Variants in JADE1 observed in about 807,000 individuals in gnomAD.
The protein encoded by JADE1 is protein Jade-1.
JADE1 carries 14 observed loss-of-function variants against 81.8 expected under a neutral mutation model. The ratio of observed to expected loss-of-function variants is 0.17; its 90% CI spans 0.11 to 0.27. The LOEUF (loss-of-function observed/expected upper bound fraction) is 0.27. Among genes scored for constraint, JADE1 ranks in the 10% least tolerant of loss-of-function variants. The pLI is 1.00. For missense variants in JADE1, 690 were observed against 1,047.9 expected, an observed-to-expected ratio of 0.66 and a Z score of 4.71; for synonymous variants, 353 against 391.9, an observed-to-expected ratio of 0.90 and a Z score of 1.17.
At chr4:128,834,177 A>G (rs2125832097) in intron 2 of JADE1, among the ~76,000 whole-genome samples, 1 of 152,304 alleles carries the variant, frequency 6.6e-6, no homozygotes, top group East Asian at 1.9e-4. Context: ...AAAGTACCAC[A>G]GCCCCCGGTA....
At chr4:128,864,170 C>T in intron 9 of JADE1, 1 of 954,022 alleles carries the variant, frequency 1.0e-6, no homozygotes. Flanking sequence ...TTTTTCAAGA[C>T]AGAGTCTCAC....
intron 1 of JADE1, among the ~76,000 whole-genome samples, chr4:128,821,234 A>G (rs1467619599): frequency 6.6e-6 from 1 of 152,156 alleles, no homozygotes; most frequent in African/African-American, 2.4e-5. Context: ...TCCCTGATAA[A>G]TTGTCAGAAA....
chr4:128,835,891 G>C (rs947114774), intron 2 of JADE1, among the ~76,000 whole-genome samples: 8 of 152,230 alleles, frequency 5.3e-5, no homozygotes, highest in African/African-American at 1.9e-4. Context: ...GGCATTTTCT[G>C]TGCCAGGTGC....
chr4:128,858,196 A>G (rs1304926591), intron 8 of JADE1, among the ~76,000 whole-genome samples: 1 of 152,198 alleles, frequency 6.6e-6, no homozygotes, highest in East Asian at 1.9e-4. Context: ...ATAGGATGTC[A>G]TGAGATAGGG....
At chr4:128,817,506 T>C (rs1232572586) in intron 1 of JADE1, among the ~76,000 whole-genome samples, 1 of 152,220 alleles carries the variant, frequency 6.6e-6, no homozygotes, top group East Asian at 1.9e-4. Context: ...GTTTGTTTGT[T>C]TCCCACTTAA....
intron 1 of JADE1, among the ~76,000 whole-genome samples, chr4:128,812,200 C>T (rs939435233): frequency 1.3e-5 from 2 of 152,068 alleles, no homozygotes; most frequent in Non-Finnish European, 2.9e-5. Context: ...GGCTTGGTTG[C>T]GCCACGAGAA....
At chr4:128,863,607 C>T (rs1049425024) in intron 9 of JADE1, 30 of 985,292 alleles carry the variant, frequency 3.0e-5, no homozygotes, top group Middle Eastern at 5.2e-4. Context: ...CCGCGGATTC[C>T]GGCCCTGGAA....
rs1246696359 is a variant in JADE1, at chr4:128,863,869, A to G, written c.1503+1644A>G. On this transcript the variant is annotated intron_variant, in intron 9 of 10. Transcript: ENST00000226319. ...TTGGGAGGGGGAGGACAAGAAGTCT[A>G]TTGTTTGGACTGTGTTTGTCTCACA... The G allele has an allele frequency of 4.1e-6, 4 of 985,342 alleles. No homozygotes were observed. In the African/African-American group the frequency reaches 5.2e-5, roughly 13 times the overall value. The allele number at this position is 985,342 out of a possible 1,614,324, so 61.0% of individuals were successfully genotyped here.
intron 2 of JADE1, among the ~76,000 whole-genome samples, chr4:128,836,362 G>T (rs974907959): frequency 1.3e-5 from 2 of 151,790 alleles, no homozygotes; most frequent in Non-Finnish European, 2.9e-5. Context: ...GTAAGCTAGA[G>T]AAAATATTAA....
At chr4:128,824,168 C>T (rs1259136163) in intron 1 of JADE1, among the ~76,000 whole-genome samples, 1 of 152,084 alleles carries the variant, frequency 6.6e-6, no homozygotes, top group Admixed American at 6.6e-5. Flanking sequence ...CCTGTAATCC[C>T]AGCACTTTGG....
At chr4:128,842,865 G>A (rs1579171580) in intron 2 of JADE1, 88 bp from the exon 3 acceptor site, 1 of 1,106,114 alleles carries the variant, frequency 9.0e-7, no homozygotes, top group Non-Finnish European at 1.4e-6. Flanking sequence ...AGGTGAGCCT[G>A]GGATGAGTTT....
chr4:128,828,550 C>A (rs896343662), intron 1 of JADE1, among the ~76,000 whole-genome samples: 1 of 109,278 alleles, frequency 9.2e-6, no homozygotes, highest in African/African-American at 2.5e-5. Context: ...ACTCTCAAAC[C>A]CTCATTACTC....
intron 9 of JADE1, among the ~76,000 whole-genome samples, chr4:128,866,344 G>GTT (rs368321580): frequency 2.0e-5 from 3 of 152,312 alleles, no homozygotes; most frequent in South Asian, 2.1e-4. Context: ...GGGAAGATCC[G>GTT]TAAAGTGAAT....
rs766736396 is a variant in JADE1 at position 128,846,426 on chromosome 4, C to T, written c.190C>T (p.Leu64=). The T allele has an allele frequency of 1.2e-6, 2 of 1,614,170 alleles. No homozygotes were observed. The highest frequency in any genetic ancestry group is 2.2e-5 in the East Asian group (1 of 44,872). The change falls in exon 4 of 11, where the codon CTG becomes TTG. Residue 64 remains leucine (L), a synonymous_variant. Coordinates refer to ENST00000226319, the MANE Select transcript of JADE1 (RefSeq NM_199320.4). The surrounding 1 kb of genome is among the most constrained non-coding windows in gnomAD (Gnocchi z 4.0). ...TAMKLHDSYQ[L]NPDEYYVLAD... ...CATGAAGTTGCATGACTCCTACCAGCTGAATCCGGATGAGTACTATGTGTT... is the reference window on the plus strand; with the variant it reads ...CATGAAGTTGCATGACTCCTACCAGTTGAATCCGGATGAGTACTATGTGTT...
chr4:128,869,656 A>G (rs1185660425), intron 10 of JADE1, among the ~76,000 whole-genome samples: 1 of 152,222 alleles, frequency 6.6e-6, no homozygotes, highest in East Asian at 1.9e-4. Context: ...GATATTCTTA[A>G]TAAGTCTGGG....
Position 128,872,233 on chromosome 4 carries a change from A to G in JADE1, c.2500A>G (p.Ile834Val), listed in dbSNP as rs758198849. 3 of 1,613,974 alleles carry G rather than the reference A, an allele frequency of 1.9e-6. No individual in the cohort carries two copies. Among genetic ancestry groups the G allele is most frequent in the Middle Eastern group, 1.6e-4 (1 of 6,082 alleles). ...TSSTISRRTD[I>V]IRRSILAS is the part of the protein sequence containing the mutation. ...CAGCACTATCAGCAGAAGGACAGAC[A>G]TTATCAGGAGAAGCATCTTGGCTTC... The change falls in exon 11 of 11, where the codon ATT (isoleucine) becomes GTT (valine). Residue 834 changes from isoleucine to valine, a missense_variant. Physicochemically the swap from Ile to Val is conservative, Grantham distance 29 (BLOSUM62 3). Around this residue, in one of 8 missense-constraint regions of JADE1, gnomAD observed 218 missense variants for 274.3 expected, o/e 0.79. Transcript: ENST00000226319.
intron 1 of JADE1, chr4:128,816,257 GTTGAGTCTA>G (rs1379532954): frequency 1.3e-5 from 2 of 152,174 alleles, no homozygotes; most frequent in African/African-American, 4.8e-5. Context: ...TTGAGATTTA[GTTGAGTCTA>G]TTGAGTCTAT....
intron 1 of JADE1, among the ~76,000 whole-genome samples, chr4:128,825,970 G>A (rs143922705): frequency 0.013 from 1,917 of 152,320 alleles, 51 homozygotes; most frequent in African/African-American, 0.044. Context: ...GGATTGTTAA[G>A]TAACTGGTCC....
chr4:128,819,369 C>A (rs1387233968), intron 1 of JADE1, among the ~76,000 whole-genome samples: 1 of 152,092 alleles, frequency 6.6e-6, no homozygotes, highest in Admixed American at 6.5e-5. Context: ...TCAGGCAGTT[C>A]TCCTGCCTTA....
Sources: gnomAD v4.1 joint callset for allele counts (sites outside exome capture counted in the v4.1 genomes callset) on GRCh38, gnomAD v4.1.1 for gene constraint, gnomAD v4.1.1 regional missense constraint, Gnocchi (gnomAD v3.1) non-coding constraint, MANE v1.5 for transcripts, NCBI Gene and HGNC (gene_info 2026-07-23, HGNC 2026-07-21) for gene names.